PCDH15: variants seen among roughly 807,000 people sequenced by gnomAD.
The protein encoded by PCDH15 is protocadherin-15.
A neutral mutation model predicts 178.5 loss-of-function variants in PCDH15; 129 were observed. The ratio of observed to expected loss-of-function variants is 0.72; its 90% confidence interval spans 0.63 to 0.84. The LOEUF (loss-of-function observed/expected upper bound fraction) is 0.84. PCDH15 is among the 40% of genes least tolerant of loss of function. The probability of loss-of-function intolerance (pLI) is 0.00; values close to 1 mark genes in which losing one functional copy is unlikely to be tolerated. For missense variants in PCDH15, 2,230 were observed against 2,099.9 expected, an observed-to-expected ratio of 1.06 and a Z score of -1.21; for synonymous variants, 800 against 732.0, an observed-to-expected ratio of 1.09 and a Z score of -1.50.
chr10:54,886,135 A>G lies in PCDH15; in HGVS notation c.-29+11315T>C, dbSNP rs137918518. On this transcript the variant is annotated intron_variant, in intron 3 of 5. Transcript: ENST00000458638. The stretch of plus-strand genomic sequence containing the variant: ...GTTTTTGTATATCACAAATATAGAG[A>G]CAGATTATTACATCAAAAGTTAATG... Among the ~76,000 whole-genome samples, 909 of 145,354 alleles carry G rather than the reference A, an allele frequency of 6.3e-3. 6 individuals are homozygous for G. Among genetic ancestry groups the G allele is most frequent in the Admixed American group, 9.5e-3 (142 of 15,026 alleles).
chr10:54,910,292 T>C (rs1954796651), intron 2 of PCDH15, among the ~76,000 whole-genome samples: 1 of 152,156 alleles, frequency 6.6e-6, no homozygotes, highest in Non-Finnish European at 1.5e-5. Flanking sequence ...CTGCACCAAG[T>C]GGGGAGAGTT....
At chr10:55,351,962 G>A (rs1053283044) in intron 2 of PCDH15, among the ~76,000 whole-genome samples, 5 of 152,158 alleles carry the variant, frequency 3.3e-5, no homozygotes, top group Non-Finnish European at 7.4e-5. Flanking sequence ...AGGCTCTTAT[G>A]TGCCACTTGT....
intron 1 of PCDH15, among the ~76,000 whole-genome samples, chr10:54,695,190 A>G (rs142448507): frequency 2.0e-5 from 3 of 152,302 alleles, no homozygotes; most frequent in East Asian, 3.9e-4. Context: ...CGTTGTGCAC[A>G]TGTACCCTAA....
At chr10:54,069,430 A>G (rs1455509451) in intron 17 of PCDH15, among the ~76,000 whole-genome samples, 2 of 152,184 alleles carry the variant, frequency 1.3e-5, no homozygotes, top group Non-Finnish European at 2.9e-5. Flanking sequence ...ATTTTGTGCT[A>G]ATAGGGGATG....
intron 3 of PCDH15, among the ~76,000 whole-genome samples, chr10:54,853,368 T>C (rs201797688): frequency 2.3e-4 from 22 of 93,676 alleles, no homozygotes; most frequent in Middle Eastern, 4.6e-3. Context: ...CACACACACA[T>C]ATATATATAC....
intron 1 of PCDH15, among the ~76,000 whole-genome samples, chr10:55,285,783 A>C (rs1008102088): frequency 1.3e-5 from 2 of 151,888 alleles, no homozygotes; most frequent in Non-Finnish European, 2.9e-5. Flanking sequence ...TCAAAGAGTT[A>C]ATAGAAAATA....
At chr10:54,755,547 G>A (rs1566140281) in intron 1 of PCDH15, among the ~76,000 whole-genome samples, 1 of 151,978 alleles carries the variant, frequency 6.6e-6, no homozygotes, top group African/African-American at 2.4e-5. Context: ...TCCTAGACAC[G>A]TTTTAGGAAG....
chr10:53,850,432 C>CTT (rs1250591287), intron 28 of PCDH15, among the ~76,000 whole-genome samples: 1 of 152,006 alleles, frequency 6.6e-6, no homozygotes. Flanking sequence ...ACAAGTCATT[C>CTT]TTCTTGTAAA....
intron 15 of PCDH15, among the ~76,000 whole-genome samples, chr10:54,120,831 C>T (rs1319489577): frequency 2.6e-5 from 4 of 152,082 alleles, no homozygotes; most frequent in African/African-American, 9.7e-5. Flanking sequence ...CTTAGCCACA[C>T]AATAACAGTG....
chr10:55,527,793 T>C (rs1841335477), intron 2 of PCDH15, among the ~76,000 whole-genome samples: 2 of 152,018 alleles, frequency 1.3e-5, no homozygotes, highest in Non-Finnish European at 2.9e-5. Flanking sequence ...GAATGTACAT[T>C]TTTAAAGTGC....
intron 23 of PCDH15, among the ~76,000 whole-genome samples, chr10:53,952,435 G>A (rs1353380802): frequency 2.0e-5 from 3 of 152,166 alleles, no homozygotes; most frequent in African/African-American, 7.2e-5. Flanking sequence ...CTATCCTCAA[G>A]CAGGTTGTCC....
chr10:53,806,788 T>C lies in PCDH15; in HGVS notation c.5014A>G (p.Thr1672Ala). 1.2e-6 allele frequency: 2 copies of C among 1,613,870 alleles called. No homozygotes were observed. The highest frequency in any genetic ancestry group is 4.5e-5 in the East Asian group (2 of 44,862). ...EKMNARPTLV[T>A]FAPCPVGTDN... is the part of the protein sequence containing the mutation. Reference sequence around the variant, plus strand: ...GTCCCCACAGGGCAAGGGGCAAATGTAACCAGAGTTGGTCTTGCATTCATT... The same window carrying C: ...GTCCCCACAGGGCAAGGGGCAAATGCAACCAGAGTTGGTCTTGCATTCATT... The change falls in exon 38 of 38, where the codon ACA becomes GCA. Residue 1672 changes from threonine to alanine, a missense_variant. Transcript: ENST00000644397.
intron 2 of PCDH15, among the ~76,000 whole-genome samples, chr10:55,402,683 A>G (rs1838100375): frequency 6.6e-6 from 1 of 152,016 alleles, no homozygotes; most frequent in Admixed American, 6.6e-5. Context: ...ATAAAATTTC[A>G]TCATGTATAT....
intron 17 of PCDH15, among the ~76,000 whole-genome samples, chr10:54,076,454 CTT>C (rs1418442828): frequency 6.6e-6 from 1 of 151,998 alleles, no homozygotes; most frequent in African/African-American, 2.4e-5. Context: ...CAAATTGGAT[CTT>C]TCTCTCTTTC....
intron 2 of PCDH15, among the ~76,000 whole-genome samples, chr10:54,563,949 A>C (rs1413743849): frequency 6.6e-6 from 1 of 152,194 alleles, no homozygotes; most frequent in Non-Finnish European, 1.5e-5. Context: ...ATAATAGTGC[A>C]TAAAAGCAAA....
intron 20 of PCDH15, among the ~76,000 whole-genome samples, chr10:54,008,824 A>G (rs2092471872): frequency 6.6e-6 from 1 of 152,210 alleles, no homozygotes; most frequent in African/African-American, 2.4e-5. Context: ...AGACAAGAGT[A>G]AACCAAGGCA....
chr10:54,572,394 T>C (rs2089956904), intron 2 of PCDH15, among the ~76,000 whole-genome samples: 1 of 152,066 alleles, frequency 6.6e-6, no homozygotes, highest in Admixed American at 6.6e-5. Context: ...GTTTGCCTTC[T>C]AGAAACAGAA....
chr10:54,652,646 C>T (rs2094288884), intron 2 of PCDH15, among the ~76,000 whole-genome samples: 2 of 152,062 alleles, frequency 1.3e-5, no homozygotes, highest in South Asian at 4.1e-4. Context: ...GATACTAGGA[C>T]ACAAGGAGAG....
rs1175695043 is a variant in PCDH15 at position 54,386,265 on chromosome 10, C to CA, written c.158-7324dup. 2.0e-3 allele frequency among the ~76,000 whole-genome samples: 262 copies of CA among 133,172 alleles called. 3 individuals carry two copies. Among genetic ancestry groups the CA allele is most frequent in the East Asian group, 0.012 (56 of 4,592 alleles). The allele number at this position is 133,172 out of a possible 152,430, so 87.4% of individuals were successfully genotyped here. A position where few individuals can be genotyped will look rare whatever the true frequency, so the allele number is the denominator to read the frequency against. ...GCGACAGCTGATAGCTGATGAGTTA[C>CA]AAAAAAAAAAAAATCCCAAAAAATA... On this transcript the variant is annotated intron_variant, in intron 3 of 37. Transcript: ENST00000644397.
Sources: gnomAD v4.1 joint callset for allele counts (sites outside exome capture counted in the v4.1 genomes callset) on GRCh38, gnomAD v4.1.1 for gene constraint, MANE v1.5 for transcripts, NCBI Gene and HGNC (gene_info 2026-07-23, HGNC 2026-07-21) for gene names.